The following MSRA variants were observed in gnomAD, a reference collection of about 807,000 sequenced individuals.
MSRA encodes mitochondrial peptide methionine sulfoxide reductase.
MSRA carries 54 observed loss-of-function variants against 31.3 expected under a neutral mutation model. The ratio of observed to expected loss-of-function variants is 1.73; its 90% CI spans 1.39 to 2.17. The LOEUF is 2.17. Ranked by LOEUF, MSRA falls within the 30% of genes most tolerant of loss-of-function variation. The pLI is 0.00. For missense variants in MSRA, 507 were observed against 300.9 expected (o/e 1.69, Z -5.07); for synonymous variants, 169 against 116.5 (o/e 1.45, Z -2.90).
At chr8:10,103,242 A>G (rs1799654036) in intron 1 of MSRA, among the ~76,000 whole-genome samples, 1 of 152,222 alleles carries the variant, frequency 6.6e-6, no homozygotes, top group African/African-American at 2.4e-5. Context: ...AAAAATAGTC[A>G]GAAGAAACAG....
chr8:10,400,658 CAGG>C (rs971683773), intron 5 of MSRA, among the ~76,000 whole-genome samples: 3 of 152,022 alleles, frequency 2.0e-5, no homozygotes, highest in African/African-American at 7.2e-5. Flanking sequence ...GAGGTGGTGG[CAGG>C]AGGAGAAGCA....
intron 3 of MSRA, among the ~76,000 whole-genome samples, chr8:10,295,479 C>T (rs1800485035): frequency 6.6e-6 from 1 of 152,176 alleles, no homozygotes; most frequent in South Asian, 2.1e-4. Flanking sequence ...TTGGAGGCCC[C>T]CTTGGTCCTT....
At position 10,342,796 on chromosome 8, in the gene MSRA, C is replaced by A. The variant is rs924001089; in HGVS notation, c.543+22807C>A. Among the ~76,000 whole-genome samples the A allele has an allele frequency of 2.6e-5, 4 of 152,316 alleles. No individual in the cohort carries two copies. The East Asian group carries it at 7.7e-4, about 29-fold the overall frequency. ...AGAGCTTCTGCCCAGTGGGCTTGCC[C>A]CTGCATCCCAGTTGAGTGACTTAGG... On this transcript the variant is annotated intron_variant, in intron 5 of 5. Coordinates refer to ENST00000317173, the MANE Select transcript of MSRA (RefSeq NM_012331.5).
chr8:10,237,710 A>C (rs1026488483), intron 2 of MSRA, among the ~76,000 whole-genome samples: 2 of 152,224 alleles, frequency 1.3e-5, no homozygotes, highest in Non-Finnish European at 2.9e-5. Flanking sequence ...TTAAGCCAGT[A>C]ATCTTCGAGT....
At chr8:10,210,024 T>G (rs968728440) in intron 2 of MSRA, among the ~76,000 whole-genome samples, 2 of 152,192 alleles carry the variant, frequency 1.3e-5, no homozygotes, top group Non-Finnish European at 2.9e-5. Flanking sequence ...TTCAAGATGA[T>G]CCTCACTTTC....
At chr8:10,262,026 G>A (rs755281030) in intron 3 of MSRA, among the ~76,000 whole-genome samples, 3 of 152,150 alleles carry the variant, frequency 2.0e-5, no homozygotes, top group South Asian at 2.1e-4. Flanking sequence ...TGTATTTAAC[G>A]GTACTCCATG....
chr8:10,158,454 A>G (rs1804358991), intron 1 of MSRA, among the ~76,000 whole-genome samples: 1 of 152,212 alleles, frequency 6.6e-6, no homozygotes, highest in South Asian at 2.1e-4. Flanking sequence ...TGGATACTTT[A>G]CATAGGTGGA....
At chr8:10,120,450 C>G (rs960046066) in intron 1 of MSRA, among the ~76,000 whole-genome samples, 2 of 152,192 alleles carry the variant, frequency 1.3e-5, no homozygotes, top group African/African-American at 4.8e-5. Context: ...GGTAGTGACA[C>G]CACGATTTAA....
intron 1 of MSRA, among the ~76,000 whole-genome samples, chr8:10,149,995 C>T (rs1278542362): frequency 1.7e-5 from 2 of 115,134 alleles, no homozygotes; most frequent in Non-Finnish European, 3.7e-5. Flanking sequence ...GTTAAACCAC[C>T]AAGGGAGGCT....
At chr8:10,279,515 C>T (rs759183424) in intron 3 of MSRA, among the ~76,000 whole-genome samples, 6 of 152,166 alleles carry the variant, frequency 3.9e-5, no homozygotes, top group Non-Finnish European at 7.3e-5. Context: ...ACCCTACCCC[C>T]CACACGCCTT....
At chr8:10,124,461 C>G (rs13249486) in intron 1 of MSRA, among the ~76,000 whole-genome samples, 131,072 of 152,236 alleles carry the variant, frequency 0.86, 56,780 homozygotes, top group East Asian at 0.96. Context: ...GCTCCCATTT[C>G]AGGAGGCATC....
intron 5 of MSRA, among the ~76,000 whole-genome samples, chr8:10,393,923 G>T (rs542188998): frequency 6.6e-6 from 1 of 152,178 alleles, no homozygotes; most frequent in South Asian, 2.1e-4. Context: ...TGTATGGTCT[G>T]CAGGCACGGG....
intron 1 of MSRA, among the ~76,000 whole-genome samples, chr8:10,125,469 G>A (rs1285838384): frequency 2.0e-5 from 3 of 152,210 alleles, no homozygotes; most frequent in African/African-American, 7.2e-5. Flanking sequence ...CTGTGCAGTG[G>A]TACCAGGGCC....
At chr8:10,194,147 C>T (rs975222601) in intron 1 of MSRA, among the ~76,000 whole-genome samples, 1 of 152,218 alleles carries the variant, frequency 6.6e-6, no homozygotes, top group Admixed American at 6.5e-5. Context: ...GAGTCTCACT[C>T]TCCCCCTCTC....
intron 1 of MSRA, among the ~76,000 whole-genome samples, chr8:10,105,084 A>T (rs1308340929): frequency 6.6e-6 from 1 of 152,118 alleles, no homozygotes; most frequent in African/African-American, 2.4e-5. Flanking sequence ...TTTTCTGTGC[A>T]TTCTGTATTC....
intron 2 of MSRA, among the ~76,000 whole-genome samples, chr8:10,224,321 G>A (rs1397372013): frequency 2.0e-5 from 3 of 152,192 alleles, no homozygotes; most frequent in Non-Finnish European, 2.9e-5. Context: ...GCTCCAGCCT[G>A]AGTGTGAAGA....
chr8:10,376,145 T>G (rs1443468171), intron 5 of MSRA, among the ~76,000 whole-genome samples: 1 of 152,200 alleles, frequency 6.6e-6, no homozygotes, highest in Non-Finnish European at 1.5e-5. Flanking sequence ...GAGCTGCTCA[T>G]GGTTGCTTAG....
chr8:10,289,175 C>T (rs1354886783), intron 3 of MSRA, among the ~76,000 whole-genome samples: 4 of 151,998 alleles, frequency 2.6e-5, no homozygotes, highest in Non-Finnish European at 4.4e-5. Flanking sequence ...GCCACCATGC[C>T]TGGCTAATTT....
At chr8:10,097,481 A>G (rs1450438583) in intron 1 of MSRA, among the ~76,000 whole-genome samples, 2 of 152,192 alleles carry the variant, frequency 1.3e-5, no homozygotes, top group African/African-American at 4.8e-5. Context: ...CTAAAAAACA[A>G]CAATATATGA....
Sources: allele counts gnomAD v4.1 joint callset (sites outside exome capture counted in the v4.1 genomes callset), GRCh38; gene constraint gnomAD v4.1.1; transcripts MANE v1.5; gene names NCBI Gene and HGNC (gene_info 2026-07-23, HGNC 2026-07-21).